RSPO2: variants seen among roughly 807,000 people sequenced by gnomAD.
RSPO2 encodes R-spondin-2.
In RSPO2, 14 loss-of-function variants were observed where a neutral mutation model predicts 30.9. The observed-to-expected ratio is 0.45, with a 90% CI of 0.30 to 0.71. The LOEUF is 0.71. Ranked by LOEUF, RSPO2 falls within the 30% of genes least tolerant of loss-of-function variation. RSPO2 has a pLI of 0.08. For synonymous variants in RSPO2, 107 were observed against 96.4 expected, an observed-to-expected ratio of 1.11 and a Z score of -0.64; for missense variants, 264 against 301.9, an observed-to-expected ratio of 0.87 and a Z score of 0.93.
intron 3 of RSPO2, among the ~76,000 whole-genome samples, chr8:107,974,278 G>A (rs1373855335): frequency 6.6e-6 from 1 of 151,286 alleles, no homozygotes; most frequent in Non-Finnish European, 1.5e-5. Context: ...CATTAGCCCA[G>A]GAGTTTGAGA....
chr8:107,972,420 A>G (rs1262912363), intron 3 of RSPO2, among the ~76,000 whole-genome samples: 1 of 152,156 alleles, frequency 6.6e-6, no homozygotes, highest in Non-Finnish European at 1.5e-5. Flanking sequence ...TGCTGGGATT[A>G]TATATGTGAG....
At chr8:107,901,295 T>C in intron 5 of RSPO2, 105 bp from the exon 6 acceptor site, 1 of 1,269,672 alleles carries the variant, frequency 7.9e-7, no homozygotes, top group Non-Finnish European at 1.1e-6. Flanking sequence ...CTGGAAAACA[T>C]CACCTATGGA....
chr8:108,024,218 A>G (rs1811136408), intron 2 of RSPO2, among the ~76,000 whole-genome samples: 1 of 152,180 alleles, frequency 6.6e-6, no homozygotes, highest in Non-Finnish European at 1.5e-5. Flanking sequence ...TCAATGAAAT[A>G]AAAATATTAA....
chr8:107,921,476 C>A (rs763715319), intron 5 of RSPO2, among the ~76,000 whole-genome samples: 3 of 152,066 alleles, frequency 2.0e-5, no homozygotes, highest in Non-Finnish European at 2.9e-5. Flanking sequence ...GCCACAAAAT[C>A]TAAGTACTGA....
intron 5 of RSPO2, among the ~76,000 whole-genome samples, chr8:107,948,859 C>CAA (rs200850030): frequency 2.3e-4 from 34 of 145,674 alleles, no homozygotes; most frequent in African/African-American, 8.2e-4. Context: ...GACTCCATCT[C>CAA]AAAAAAAAAA....
At chr8:108,070,303 T>TG (rs1812800634) in intron 2 of RSPO2, among the ~76,000 whole-genome samples, 1 of 136,314 alleles carries the variant, frequency 7.3e-6, no homozygotes, top group Non-Finnish European at 1.6e-5. Flanking sequence ...TTTTTTTTTT[T>TG]GAGACAGAGT....
At chr8:108,042,473 AGAGTCAT>A (rs1342408663) in intron 2 of RSPO2, among the ~76,000 whole-genome samples, 1 of 152,182 alleles carries the variant, frequency 6.6e-6, no homozygotes, top group African/African-American at 2.4e-5. Flanking sequence ...ATTCCAGAAA[AGAGTCAT>A]GATTACCTGC....
At chr8:107,953,770 T>C (rs989076999) in intron 5 of RSPO2, among the ~76,000 whole-genome samples, 5 of 152,160 alleles carry the variant, frequency 3.3e-5, no homozygotes, top group African/African-American at 1.2e-4. Context: ...CCCTAAAATA[T>C]GGCAGGAGAA....
At chr8:107,970,807 A>G (rs1186067870) in intron 3 of RSPO2, among the ~76,000 whole-genome samples, 2 of 152,212 alleles carry the variant, frequency 1.3e-5, no homozygotes, top group African/African-American at 4.8e-5. Flanking sequence ...TTACGAAGCC[A>G]TATGTTTGGG....
At chr8:107,905,672 T>TA (rs557304414) in intron 5 of RSPO2, among the ~76,000 whole-genome samples, 180 of 152,126 alleles carry the variant, frequency 1.2e-3, no homozygotes, top group African/African-American at 4.0e-3. Context: ...ACCTGGCAGA[T>TA]ATTGTCATAT....
chr8:108,009,541 T>G (rs1406036009), intron 2 of RSPO2, among the ~76,000 whole-genome samples: 1 of 152,206 alleles, frequency 6.6e-6, no homozygotes, highest in Non-Finnish European at 1.5e-5. Flanking sequence ...ACACATTACA[T>G]GTGATTAAAT....
intron 3 of RSPO2, among the ~76,000 whole-genome samples, chr8:107,982,666 C>T (rs1299191528): frequency 6.6e-6 from 1 of 152,144 alleles, no homozygotes; most frequent in Non-Finnish European, 1.5e-5. Flanking sequence ...ACTCCATGTA[C>T]TCCCCAAAAC....
intron 2 of RSPO2, among the ~76,000 whole-genome samples, chr8:108,048,146 A>G (rs1262588608): frequency 6.6e-6 from 1 of 152,084 alleles, no homozygotes; most frequent in African/African-American, 2.4e-5. Flanking sequence ...ATTAAGGCCA[A>G]GAGAGGTTGA....
At chr8:107,987,713 C>T (rs1221235617) in intron 3 of RSPO2, among the ~76,000 whole-genome samples, 4 of 152,062 alleles carry the variant, frequency 2.6e-5, no homozygotes, top group Non-Finnish European at 5.9e-5. Flanking sequence ...ATTATTTTTA[C>T]ATATATGTGG....
chr8:108,023,358 A>G (rs1419348844), intron 2 of RSPO2, among the ~76,000 whole-genome samples: 2 of 152,214 alleles, frequency 1.3e-5, no homozygotes, highest in African/African-American at 4.8e-5. Context: ...TACAGAGCTT[A>G]GAAAGCACCA....
At chr8:107,926,647 T>C (rs1410140578) in intron 5 of RSPO2, among the ~76,000 whole-genome samples, 1 of 151,676 alleles carries the variant, frequency 6.6e-6, no homozygotes, top group Non-Finnish European at 1.5e-5. Flanking sequence ...ATTTATTAAA[T>C]AGGGAATCCT....
chr8:108,070,378 C>T (rs1265334130), intron 2 of RSPO2, among the ~76,000 whole-genome samples: 2 of 149,560 alleles, frequency 1.3e-5, no homozygotes, highest in South Asian at 2.1e-4. Flanking sequence ...CTGCAAGCTC[C>T]GCTTCCCGGG....
chr8:107,934,764 G>A (rs983120388), intron 5 of RSPO2, among the ~76,000 whole-genome samples: 1 of 152,142 alleles, frequency 6.6e-6, no homozygotes, highest in African/African-American at 2.4e-5. Flanking sequence ...ACATTTATTA[G>A]TTCCCCAAAT....
intron 2 of RSPO2, among the ~76,000 whole-genome samples, chr8:108,024,593 G>A (rs1811146965): frequency 6.6e-6 from 1 of 152,226 alleles, no homozygotes; most frequent in Non-Finnish European, 1.5e-5. Context: ...ACAGTGGACA[G>A]GTGGAAACAG....
Sources: gnomAD v4.1 joint callset for allele counts (sites outside exome capture counted in the v4.1 genomes callset) on GRCh38, gnomAD v4.1.1 for gene constraint, MANE v1.5 for transcripts, NCBI Gene and HGNC (gene_info 2026-07-23, HGNC 2026-07-21) for gene names.